The following FMN1 variants were observed in gnomAD, a reference collection of about 807,000 sequenced individuals.
FMN1 encodes the protein formin 1.
FMN1 carries 110 observed loss-of-function variants against 132.4 expected under a neutral mutation model. That is an observed-to-expected ratio of 0.83 (90% confidence interval 0.71 to 0.97). The LOEUF (loss-of-function observed/expected upper bound fraction) is 0.97. FMN1 is among the 50% of genes least tolerant of loss of function. FMN1 has a pLI of 0.00. For synonymous variants in FMN1, 722 were observed against 651.7 expected (o/e 1.11, Z -1.64); for missense variants, 1,792 against 1,705.3 (o/e 1.05, Z -0.90).
At chr15:32,925,630 C>T (rs1469949939) in intron 10 of FMN1, among the ~76,000 whole-genome samples, 2 of 152,176 alleles carry the variant, frequency 1.3e-5, no homozygotes, top group Admixed American at 6.5e-5. Context: ...CTCATTTAAA[C>T]TAACTATAAA....
In FMN1 at chr15:32,926,223, C is replaced by A; in HGVS notation, c.3177G>T (p.Val1059=). The change falls in exon 10 of 21, where the codon GTG becomes GTT. Residue 1059 remains valine, a synonymous_variant. Coordinates refer to ENST00000616417, the MANE Select transcript of FMN1 (RefSeq NM_001277313.2). ...KLLDGKRSQT[V]GILISSLHLE... The stretch of plus-strand genomic sequence containing the variant: ...AATGTAAACTAGATATCAAGATTCC[C>A]ACAGTTTGAGATCGTTTTCCATCCA... The A allele has an allele frequency of 1.3e-6, 2 of 1,555,422 alleles. No individual in the cohort carries two copies. The highest frequency in any genetic ancestry group is 1.7e-6 in the Non-Finnish European group (2 of 1,151,252).
chr15:32,982,569 G>A (rs1302923879), intron 7 of FMN1, among the ~76,000 whole-genome samples: 1 of 152,062 alleles, frequency 6.6e-6, no homozygotes. Context: ...ACATTATTCT[G>A]GATGTGTCTG....
chr15:33,082,852 G>A (rs1362841781), intron 5 of FMN1, among the ~76,000 whole-genome samples: 3 of 148,328 alleles, frequency 2.0e-5, no homozygotes, highest in Non-Finnish European at 4.4e-5. Context: ...TAAAATATAG[G>A]ATACCCAGTT....
chr15:33,004,264 G>A (rs2034284797), intron 7 of FMN1, among the ~76,000 whole-genome samples: 1 of 152,152 alleles, frequency 6.6e-6, no homozygotes, highest in African/African-American at 2.4e-5. Flanking sequence ...GCAACCTACA[G>A]AATGGGAGAA....
At chr15:33,081,179 T>C (rs1008446312) in intron 5 of FMN1, among the ~76,000 whole-genome samples, 2 of 152,172 alleles carry the variant, frequency 1.3e-5, no homozygotes, top group African/African-American at 4.8e-5. Flanking sequence ...CCTGGACCGT[T>C]TTCTCCACGG....
chr15:32,921,154 T>G (rs1387274864), intron 10 of FMN1, among the ~76,000 whole-genome samples: 1 of 152,104 alleles, frequency 6.6e-6, no homozygotes, highest in African/African-American at 2.4e-5. Flanking sequence ...TGACCTGTAT[T>G]AGGGTGGGAG....
intron 4 of FMN1, among the ~76,000 whole-genome samples, chr15:33,096,915 T>C (rs1238795869): frequency 2.0e-5 from 3 of 152,148 alleles, no homozygotes; most frequent in African/African-American, 7.2e-5. Context: ...CCATTTTTAT[T>C]TACACATACT....
intron 9 of FMN1, among the ~76,000 whole-genome samples, chr15:32,933,193 C>T (rs531517788): frequency 6.6e-6 from 1 of 152,230 alleles, no homozygotes; most frequent in Non-Finnish European, 1.5e-5. Context: ...CTGTTTGTCA[C>T]AAGATATTTT....
rs1236090521 is a variant in FMN1 at position 32,929,225 on chromosome 15, CTCTG to C, written c.3139-2968_3139-2965del. Among the ~76,000 whole-genome samples the C allele has an allele frequency of 3.3e-5, 5 of 152,308 alleles. No homozygotes were observed. The South Asian group carries it at 6.2e-4, about 19-fold the overall frequency. On this transcript the variant is annotated intron_variant, in intron 9 of 20. Transcript: ENST00000616417. ...TTCTCTTCCCTACCTGAACCAAATT[CTCTG>C]TCTACTTTTAAGTAAATTTTCAAAA...
chr15:32,994,475 T>C (rs1479779314), intron 7 of FMN1, among the ~76,000 whole-genome samples: 1 of 152,170 alleles, frequency 6.6e-6, no homozygotes. Context: ...CCTAAGAGTA[T>C]CCTTGTCTGG....
At chr15:32,936,556 T>G (rs1481607376) in intron 9 of FMN1, among the ~76,000 whole-genome samples, 2 of 152,140 alleles carry the variant, frequency 1.3e-5, no homozygotes, top group African/African-American at 2.4e-5. Flanking sequence ...AGCTCCTTTT[T>G]GTTCTCATCT....
At chr15:32,804,622 TCATTTA>T (rs944171962) in intron 17 of FMN1, among the ~76,000 whole-genome samples, 1 of 151,998 alleles carries the variant, frequency 6.6e-6, no homozygotes, top group African/African-American at 2.4e-5. Flanking sequence ...CATCGACTCG[TCATTTA>T]CATTAGGTAT....
intron 13 of FMN1, among the ~76,000 whole-genome samples, chr15:32,900,814 T>C (rs908946931): frequency 6.6e-6 from 1 of 152,222 alleles, no homozygotes; most frequent in African/African-American, 2.4e-5. Context: ...GAAATTTTTT[T>C]TCTTTATGGT....
intron 9 of FMN1, among the ~76,000 whole-genome samples, chr15:32,948,678 T>C (rs1236592087): frequency 2.6e-5 from 4 of 152,064 alleles, no homozygotes; most frequent in African/African-American, 4.8e-5. Flanking sequence ...TATTGTATTA[T>C]ACATTTCTAT....
chr15:32,995,229 T>C (rs1451636278), intron 7 of FMN1, among the ~76,000 whole-genome samples: 7 of 152,186 alleles, frequency 4.6e-5, no homozygotes, highest in Admixed American at 2.0e-4. Flanking sequence ...GTGTATTACA[T>C]AGACACCTGT....
intron 17 of FMN1, among the ~76,000 whole-genome samples, chr15:32,823,411 A>G (rs992129892): frequency 4.0e-5 from 6 of 151,778 alleles, no homozygotes; most frequent in Non-Finnish European, 7.4e-5. Context: ...TGATCCGCCC[A>G]CCTTGGCCTC....
intron 4 of FMN1, among the ~76,000 whole-genome samples, chr15:33,140,188 G>A (rs887729239): frequency 2.3e-5 from 2 of 85,850 alleles, no homozygotes; most frequent in Non-Finnish European, 4.5e-5. Flanking sequence ...TTCCACCTAT[G>A]GTTAAACACA....
chr15:33,085,590 T>C (rs1284611901), intron 5 of FMN1, among the ~76,000 whole-genome samples: 2 of 149,512 alleles, frequency 1.3e-5, no homozygotes, highest in Non-Finnish European at 3.0e-5. Flanking sequence ...ATATCATATA[T>C]GTAATATATA....
At chr15:33,067,679 G>T (rs2037809246) in intron 5 of FMN1, 2 of 1,613,928 alleles carry the variant, frequency 1.2e-6, no homozygotes, top group Non-Finnish European at 1.7e-6. Flanking sequence ...ATCCTGCTGA[G>T]ATGTGGGATT....
Sources: allele counts gnomAD v4.1 joint callset (sites outside exome capture counted in the v4.1 genomes callset), GRCh38; gene constraint gnomAD v4.1.1; transcripts MANE v1.5; gene names NCBI Gene and HGNC (gene_info 2026-07-23, HGNC 2026-07-21).